Variants in NKAIN2 observed in about 807,000 individuals in gnomAD.
NKAIN2 encodes the protein sodium/potassium transporting ATPase interacting 2.
NKAIN2 carries 14 observed loss-of-function variants against 32.6 expected under a neutral mutation model. That is an observed-to-expected ratio of 0.43 (90% CI 0.28 to 0.67). The LOEUF is 0.67. Ranked by LOEUF, NKAIN2 falls within the 30% of genes least tolerant of loss-of-function variation. The pLI, the probability that NKAIN2 is intolerant of heterozygous loss-of-function variation, is 0.17. For synonymous variants in NKAIN2, 80 were observed against 87.2 expected, an observed-to-expected ratio of 0.92 and a Z score of 0.46; for missense variants, 198 against 258.3, an observed-to-expected ratio of 0.77 and a Z score of 1.60.
intron 2 of NKAIN2, among the ~76,000 whole-genome samples, chr6:124,345,783 C>A (rs922470880): frequency 2.6e-4 from 40 of 151,994 alleles, no homozygotes; most frequent in Non-Finnish European, 4.7e-4. Context: ...TTCAAAAAAC[C>A]AGCTCCTGGA....
rs1774759914 is a variant in NKAIN2 at position 123,839,203 on chromosome 6, A to T, written c.54+34949A>T. ...GGAAAAAGGATCTCGAAGGTCATTA[A>T]GGTACTTCTAAACCTAAACACTCCA... On this transcript the variant is annotated intron_variant, in intron 1 of 6. Transcript: ENST00000368417. Among the ~76,000 whole-genome samples, 3 of 151,564 alleles carry T rather than the reference A, an allele frequency of 2.0e-5. No homozygotes were observed. In the South Asian group the frequency reaches 6.2e-4, roughly 32 times the overall value.
intron 3 of NKAIN2, among the ~76,000 whole-genome samples, chr6:124,546,513 C>T (rs1352849815): frequency 1.3e-5 from 2 of 151,552 alleles, no homozygotes; most frequent in African/African-American, 2.4e-5. Context: ...CCATATATTA[C>T]ATATATAAGA....
chr6:123,848,327 G>A (rs910531551), intron 1 of NKAIN2, among the ~76,000 whole-genome samples: 5 of 152,098 alleles, frequency 3.3e-5, no homozygotes, highest in African/African-American at 1.2e-4. Flanking sequence ...TACCTGATAT[G>A]GTTTAGCTGT....
chr6:124,821,547 G>A (rs781533143), intron 6 of NKAIN2, among the ~76,000 whole-genome samples: 7 of 152,044 alleles, frequency 4.6e-5, no homozygotes, highest in Non-Finnish European at 7.4e-5. Context: ...TACAAAGATA[G>A]ATATCTTTGT....
At chr6:124,323,686 C>T (rs1250403736) in intron 2 of NKAIN2, among the ~76,000 whole-genome samples, 1 of 151,802 alleles carries the variant, frequency 6.6e-6, no homozygotes, top group African/African-American at 2.4e-5. Flanking sequence ...ATCTTGATTA[C>T]AATGGCTATA....
intron 1 of NKAIN2, among the ~76,000 whole-genome samples, chr6:124,251,486 C>A (rs1411508415): frequency 6.6e-6 from 1 of 151,704 alleles, no homozygotes; most frequent in Non-Finnish European, 1.5e-5. Context: ...ATGTAAAAAA[C>A]TTATATAACT....
At chr6:123,839,863 A>G (rs1027721388) in intron 1 of NKAIN2, among the ~76,000 whole-genome samples, 6 of 152,194 alleles carry the variant, frequency 3.9e-5, no homozygotes, top group South Asian at 2.1e-4. Flanking sequence ...CTTGAAGGAT[A>G]TAAGCAAATG....
Position 123,914,761 on chromosome 6 carries a change from T to C in NKAIN2, c.54+110507T>C, listed in dbSNP as rs1168295147. On this transcript the variant is annotated intron_variant, in intron 1 of 6. Coordinates refer to ENST00000368417, the MANE Select transcript of NKAIN2 (RefSeq NM_001040214.3). ...AGAAAAGGCAAAAAGAGTAGAGATA[T>C]TTTATGATACGGATAAGAGATGAGA... Among the ~76,000 whole-genome samples the C allele has an allele frequency of 1.2e-4, 19 of 152,126 alleles. 1 individual carries two copies. The highest frequency in any genetic ancestry group is 1.2e-3 in the Admixed American group (18 of 15,256).
At chr6:124,636,237 A>T (rs1783768288) in intron 3 of NKAIN2, among the ~76,000 whole-genome samples, 1 of 151,940 alleles carries the variant, frequency 6.6e-6, no homozygotes, top group African/African-American at 2.4e-5. Context: ...AAACAAATGA[A>T]AATGGAAACA....
chr6:123,922,751 T>C (rs1380037252), intron 1 of NKAIN2, among the ~76,000 whole-genome samples: 1 of 152,202 alleles, frequency 6.6e-6, no homozygotes, highest in East Asian at 1.9e-4. Context: ...AGTTGTTTCC[T>C]TGTATATGTA....
chr6:123,856,215 A>G (rs1775549163), intron 1 of NKAIN2, among the ~76,000 whole-genome samples: 1 of 152,232 alleles, frequency 6.6e-6, no homozygotes, highest in Admixed American at 6.5e-5. Context: ...AGAATTAACT[A>G]GAAGTCTCAT....
At chr6:124,594,560 G>A (rs1452381706) in intron 3 of NKAIN2, among the ~76,000 whole-genome samples, 1 of 152,154 alleles carries the variant, frequency 6.6e-6, no homozygotes, top group Non-Finnish European at 1.5e-5. Flanking sequence ...AAAGTAGTAA[G>A]AGTTGATTCC....
At chr6:124,821,377 A>G (rs922780753) in intron 6 of NKAIN2, among the ~76,000 whole-genome samples, 1 of 152,134 alleles carries the variant, frequency 6.6e-6, no homozygotes, top group Non-Finnish European at 1.5e-5. Flanking sequence ...ATTTTACTGT[A>G]TTGGCCAATA....
At chr6:124,218,582 A>G (rs1791611041) in intron 1 of NKAIN2, among the ~76,000 whole-genome samples, 1 of 152,348 alleles carries the variant, frequency 6.6e-6, no homozygotes, top group East Asian at 1.9e-4. Context: ...AAATCAGTCT[A>G]CCAACTACTA....
chr6:124,628,469 A>G (rs780796794), intron 3 of NKAIN2, among the ~76,000 whole-genome samples: 5 of 152,138 alleles, frequency 3.3e-5, no homozygotes, highest in Non-Finnish European at 7.4e-5. Flanking sequence ...AGACTCTTTC[A>G]GGTTCCAAGC....
chr6:124,557,322 T>G, intron 3 of NKAIN2, among the ~76,000 whole-genome samples: 1 of 152,158 alleles, frequency 6.6e-6, no homozygotes, highest in East Asian at 1.9e-4. Flanking sequence ...GTAGAGATTT[T>G]TCTAAAGATG....
At chr6:124,774,303 T>C (rs1778892624) in intron 4 of NKAIN2, among the ~76,000 whole-genome samples, 1 of 152,148 alleles carries the variant, frequency 6.6e-6, no homozygotes, top group Non-Finnish European at 1.5e-5. Context: ...AATCTTACAG[T>C]ATTTTCTGAC....
intron 1 of NKAIN2, among the ~76,000 whole-genome samples, chr6:123,980,275 G>A (rs544063921): frequency 6.6e-6 from 1 of 152,250 alleles, no homozygotes; most frequent in Non-Finnish European, 1.5e-5. Context: ...CTTTTTTGAA[G>A]ACTGGAGGCT....
intron 1 of NKAIN2, among the ~76,000 whole-genome samples, chr6:124,282,507 T>C (rs944416892): frequency 1.5e-4 from 23 of 152,164 alleles, no homozygotes; most frequent in Non-Finnish European, 3.1e-4. Flanking sequence ...TGCGGCTACT[T>C]AGTGGCAGAC....
Sources: allele counts gnomAD v4.1 joint callset (sites outside exome capture counted in the v4.1 genomes callset), GRCh38; gene constraint gnomAD v4.1.1; transcripts MANE v1.5; gene names NCBI Gene and HGNC (gene_info 2026-07-23, HGNC 2026-07-21).